CNKSR2: variants seen among roughly 807,000 people sequenced by gnomAD.
The protein encoded by CNKSR2 is CNK homolog protein 2.
In CNKSR2, 14 loss-of-function variants were observed where a neutral mutation model predicts 84.4. That is an observed-to-expected ratio of 0.17 (90% confidence interval 0.11 to 0.26). The LOEUF is 0.26. Ranked by LOEUF, CNKSR2 falls within the 10% of genes least tolerant of loss-of-function variation. The pLI, the probability that CNKSR2 is intolerant of heterozygous loss-of-function variation, is 1.00. For synonymous variants in CNKSR2, 275 were observed against 277.9 expected (o/e 0.99, Z 0.10); for missense variants, 485 against 771.2 (o/e 0.63, Z 4.40).
intron 13 of CNKSR2, among the ~76,000 whole-genome samples, chrX:21,584,511 C>T (rs961599241): frequency 6.2e-5 from 7 of 112,099 alleles, no homozygotes; most frequent in Admixed American, 3.8e-4. Flanking sequence ...ATGCTAAATG[C>T]TCAGAGGGGA....
chrX:21,386,018 CAAAAAAA>C (rs1179082753), intron 1 of CNKSR2, among the ~76,000 whole-genome samples: 11 of 20,453 alleles, frequency 5.4e-4, no homozygotes, highest in Admixed American at 2.1e-3. Context: ...TGGATGTAGG[CAAAAAAA>C]AAAAAAAAAA....
At chrX:21,500,470 A>G in intron 7 of CNKSR2, among the ~76,000 whole-genome samples, 2 of 111,434 alleles carry the variant, frequency 1.8e-5, no homozygotes, top group Non-Finnish European at 3.8e-5. Context: ...AACGAAGAGT[A>G]TCACAGCATT....
chrX:21,652,596 G>A lies in CNKSR2; in HGVS notation c.*75G>A. 1 of 760,551 alleles carries A rather than the reference G, an allele frequency of 1.3e-6. No individual in the cohort carries two copies. 62.7% of individuals were successfully genotyped at this position (760,551 alleles called of 1,213,427 possible). On this transcript the variant is annotated 3_prime_UTR_variant, in exon 22 of 22. Coordinates refer to ENST00000379510, the MANE Select transcript of CNKSR2 (RefSeq NM_014927.5). ...TATATAAGGTAGTTTTTATATCAATGTGTGGAACACTTGACAAGCTATACT... is the reference window on the plus strand; with the variant it reads ...TATATAAGGTAGTTTTTATATCAATATGTGGAACACTTGACAAGCTATACT...
chrX:21,510,452 A>G (rs1273006096), intron 8 of CNKSR2, among the ~76,000 whole-genome samples: 3 of 111,257 alleles, frequency 2.7e-5, no homozygotes, highest in Non-Finnish European at 3.8e-5. Flanking sequence ...TTATCTTTTC[A>G]TATGTTAGTC....
intron 11 of CNKSR2, among the ~76,000 whole-genome samples, chrX:21,543,391 T>G (rs2091993398): frequency 8.9e-6 from 1 of 112,671 alleles, no homozygotes; most frequent in African/African-American, 3.2e-5. Flanking sequence ...TCCTTTAGAC[T>G]TATTTAATAA....
At chrX:21,518,836 G>C (rs1041874460) in intron 9 of CNKSR2, among the ~76,000 whole-genome samples, 1 of 111,236 alleles carries the variant, frequency 9.0e-6, no homozygotes, top group Non-Finnish European at 1.9e-5. Flanking sequence ...GCTGAAATCT[G>C]AAAAAGAGGA....
At chrX:21,555,649 T>C (rs963251562) in intron 11 of CNKSR2, among the ~76,000 whole-genome samples, 5 of 111,741 alleles carry the variant, frequency 4.5e-5, no homozygotes, top group African/African-American at 1.6e-4. Flanking sequence ...ATACTCACTA[T>C]ACTCATTTTC....
At chrX:21,482,346 G>A (rs1456404663) in intron 5 of CNKSR2, among the ~76,000 whole-genome samples, 1 of 111,737 alleles carries the variant, frequency 8.9e-6, no homozygotes, top group Admixed American at 9.5e-5. Flanking sequence ...GCACTTCTGG[G>A]TTTTAGTCTT....
At chrX:21,649,463 G>A (rs1307099710) in intron 21 of CNKSR2, among the ~76,000 whole-genome samples, 4 of 112,578 alleles carry the variant, frequency 3.6e-5, no homozygotes, top group African/African-American at 6.5e-5. Context: ...CGCATGAACT[G>A]CAGTGCATTT....
At chrX:21,537,341 C>T (rs1359201278) in intron 11 of CNKSR2, among the ~76,000 whole-genome samples, 2 of 111,556 alleles carry the variant, frequency 1.8e-5, no homozygotes, top group Non-Finnish European at 3.8e-5. Context: ...TACTCTGCAG[C>T]TGTTGAATGA....
At chrX:21,551,478 A>G (rs1250373678) in intron 11 of CNKSR2, among the ~76,000 whole-genome samples, 1 of 112,109 alleles carries the variant, frequency 8.9e-6, no homozygotes, top group Non-Finnish European at 1.9e-5. Flanking sequence ...ATGAGGGGGG[A>G]AAAAAACCTC....
chrX:21,581,120 G>T (rs1009101723), intron 13 of CNKSR2, among the ~76,000 whole-genome samples: 5 of 112,110 alleles, frequency 4.5e-5, no homozygotes, highest in Non-Finnish European at 9.4e-5. Context: ...CTAGCATTCA[G>T]TGTTAAGACT....
In CNKSR2 at chrX:21,488,099, G is replaced by C. The variant is rs1160483808; in HGVS notation, c.562-2360G>C. Among the ~76,000 whole-genome samples, 7 of 111,962 alleles carry C rather than the reference G, an allele frequency of 6.3e-5. No homozygotes were observed. In the Admixed American group the frequency reaches 6.7e-4, roughly 11 times the overall value. On this transcript the variant is annotated intron_variant, in intron 5 of 21. Coordinates refer to ENST00000379510, the MANE Select transcript of CNKSR2 (RefSeq NM_014927.5). ...AGAGCATTGAGACCTGAGCGTCAGAGAGAGTAAAGAGATGTGAACTGTCCA... is the reference window on the plus strand; with the variant it reads ...AGAGCATTGAGACCTGAGCGTCAGACAGAGTAAAGAGATGTGAACTGTCCA...
chrX:21,519,390 C>T lies in CNKSR2; in HGVS notation c.957+2759C>T, dbSNP rs192326344. On this transcript the variant is annotated intron_variant, in intron 9 of 21. Transcript: ENST00000379510. ...TAGTGAGATGAAAAGATCTTGAAGG[C>T]AGTTTTTCATAACATCATGACTTTA... is the stretch of plus-strand genomic sequence containing the variant. Among the ~76,000 whole-genome samples, 37 of 111,064 alleles carry T rather than the reference C, an allele frequency of 3.3e-4. 2 individuals are homozygous for T. In the East Asian group the frequency reaches 5.1e-3, roughly 15 times the overall value.
intron 1 of CNKSR2, among the ~76,000 whole-genome samples, chrX:21,410,032 C>CTGTGTGTG (rs60351010): frequency 4.8e-4 from 47 of 97,687 alleles, no homozygotes; most frequent in African/African-American, 7.4e-4. Flanking sequence ...CTAATTGTGT[C>CTGTGTGTG]TGTGTGTGTG....
chrX:21,435,957 A>G (rs938945684), intron 3 of CNKSR2, among the ~76,000 whole-genome samples: 7 of 111,473 alleles, frequency 6.3e-5, no homozygotes, highest in African/African-American at 2.0e-4. Context: ...TTAAGGCATA[A>G]GAGTTTAAGG....
chrX:21,547,343 C>G (rs1219266747), intron 11 of CNKSR2, among the ~76,000 whole-genome samples: 1 of 111,041 alleles, frequency 9.0e-6, no homozygotes, highest in Non-Finnish European at 1.9e-5. Context: ...GGGCATTGCA[C>G]AATGGTAAAG....
chrX:21,467,556 A>C (rs750362159), intron 4 of CNKSR2, among the ~76,000 whole-genome samples: 24 of 111,586 alleles, frequency 2.2e-4, no homozygotes, highest in Non-Finnish European at 4.0e-4. Context: ...GAGTATCCCA[A>C]ATCTCTTAAT....
At chrX:21,550,515 C>T (rs2092077107) in intron 11 of CNKSR2, among the ~76,000 whole-genome samples, 1 of 112,085 alleles carries the variant, frequency 8.9e-6, no homozygotes, top group East Asian at 2.8e-4. Flanking sequence ...GTGGCAATTC[C>T]TCAAGGATCT....
Sources: allele counts gnomAD v4.1 joint callset (sites outside exome capture counted in the v4.1 genomes callset), GRCh38; gene constraint gnomAD v4.1.1; transcripts MANE v1.5; gene names NCBI Gene and HGNC (gene_info 2026-07-23, HGNC 2026-07-21).